Variants in SI observed in about 807,000 individuals in gnomAD.
SI encodes the protein sucrase-isomaltase.
Under a neutral mutation model 253.3 loss-of-function variants are expected in SI, and 235 were observed. The observed-to-expected ratio is 0.93, with a 90% CI of 0.83 to 1.03. SI has a LOEUF of 1.03. SI is among the 50% of genes least tolerant of loss of function. SI has a pLI of 0.00. For missense variants in SI, 2,442 were observed against 2,211.1 expected, an observed-to-expected ratio of 1.10 and a Z score of -2.09; for synonymous variants, 819 against 712.0, an observed-to-expected ratio of 1.15 and a Z score of -2.39.
In SI at chr3:165,036,415, A is replaced by G; in HGVS notation, c.2489T>C (p.Phe830Ser). The change falls in exon 22 of 48, where the codon TTT (phenylalanine) becomes TCT (serine). Residue 830 changes from phenylalanine to serine, a missense_variant. By Grantham distance (155) the Phe-to-Ser change is radical. Coordinates refer to ENST00000264382, the MANE Select transcript of SI (RefSeq NM_001041.4). Reference sequence around the variant, plus strand: ...TTTAGTTTCTCCATCATCCCAGAAAAAGTCTCCTTTGGCTGTGTTGTTTTC... The same window carrying G: ...TTTAGTTTCTCCATCATCCCAGAAAGAGTCTCCTTTGGCTGTGTTGTTTTC... The part of the protein sequence containing the change: ...LGENNTAKGD[F>S]FWDDGETKDT... 1 of 1,611,218 alleles carries G rather than the reference A, an allele frequency of 6.2e-7. No individual in the cohort carries two copies. The highest frequency in any genetic ancestry group is 8.5e-7 in the Non-Finnish European group (1 of 1,178,018).
intron 28 of SI, among the ~76,000 whole-genome samples, 172 bp downstream of exon 28, chr3:165,019,430 T>TA (rs1719196066): frequency 6.6e-6 from 1 of 152,046 alleles, no homozygotes; most frequent in South Asian, 2.1e-4. Flanking sequence ...ACCTGTAATT[T>TA]ATGGTGACTT....
In SI at chr3:165,049,677, T is replaced by C. The variant is rs866782333; in HGVS notation, c.1597+114A>G. 7.6e-6 allele frequency: 5 copies of C among 660,994 alleles called. No homozygotes were observed. The Admixed American group carries it at 7.9e-5, about 10-fold the overall frequency. The allele number at this position is 660,994 out of a possible 1,614,324, so 40.9% of individuals were successfully genotyped here. A position where few individuals can be genotyped will look rare whatever the true frequency, so the allele number is the denominator to read the frequency against. ...AGAAAAGATAAACAAATTGATTTTATGGTTTTAGAACTATACCAAAAATTG... is the reference window on the plus strand; with the variant it reads ...AGAAAAGATAAACAAATTGATTTTACGGTTTTAGAACTATACCAAAAATTG... On this transcript the variant is annotated intron_variant, in intron 14 of 47. Coordinates refer to ENST00000264382, the MANE Select transcript of SI (RefSeq NM_001041.4).
In SI at chr3:165,021,261, G is replaced by T. The variant is rs771390854; in HGVS notation, c.3222C>A (p.Ile1074=). The T allele has an allele frequency of 2.5e-6, 4 of 1,611,116 alleles. No homozygotes were observed. The highest frequency in any genetic ancestry group is 3.4e-6 in the Non-Finnish European group (4 of 1,177,996). The change falls in exon 27 of 48, where the codon ATC becomes ATA. Residue 1074 remains isoleucine (I), a synonymous_variant. Coordinates refer to ENST00000264382, the MANE Select transcript of SI (RefSeq NM_001041.4). ...TTCCACTGCTTCTCCGTCGAATCTG[G>T]ATGCCAAAAGGATTTTCCTTGATTT... is the stretch of plus-strand genomic sequence containing the variant. ...DVEIKENPFG[I]QIRRRSSGRV...
At chr3:165,035,155 G>T (rs1045271686) in intron 22 of SI, among the ~76,000 whole-genome samples, 1 of 151,964 alleles carries the variant, frequency 6.6e-6, no homozygotes, top group African/African-American at 2.4e-5. Flanking sequence ...TTATGTTTTA[G>T]ATTTTTATTA....
chr3:165,040,036 C>T, intron 18 of SI, 65 bp from the exon 19 acceptor site: 1 of 1,291,982 alleles, frequency 7.7e-7, no homozygotes, highest in Non-Finnish European at 1.1e-6. Flanking sequence ...ATTCCTGGTT[C>T]AGTTTATCTT....
chr3:165,059,955 G>A lies in SI; in HGVS notation c.1093C>T (p.Leu365=). Residue 365 remains leucine, a synonymous_variant, in exon 10 of 48, where the codon CTA becomes TTA. Coordinates refer to ENST00000264382, the MANE Select transcript of SI (RefSeq NM_001041.4). ...FQLSRWNYKS[L]DVVKEVVRRN... ...CTTACCACTTCTTTCACTACATCTA[G>A]TGACTTATAATTCCAGCGACTTAGT... 1 of 1,612,122 alleles carries A rather than the reference G, an allele frequency of 6.2e-7. No homozygotes were observed. Among genetic ancestry groups the A allele is most frequent in the Non-Finnish European group, 8.5e-7 (1 of 1,178,752 alleles).
At chr3:165,022,535 TCACACACACACACA>T (rs10686237) in intron 26 of SI, among the ~76,000 whole-genome samples, 1 of 137,844 alleles carries the variant, frequency 7.3e-6, no homozygotes, top group Non-Finnish European at 1.6e-5. Context: ...TTGTGCCATC[TCACACACACACACA>T]CACACACACA....
intron 32 of SI, among the ~76,000 whole-genome samples, chr3:165,015,470 G>GT (rs983520271): frequency 6.6e-6 from 1 of 151,966 alleles, no homozygotes; most frequent in African/African-American, 2.4e-5. Flanking sequence ...ATTAGTAGAG[G>GT]TTTTTATTTT....
chr3:165,040,420 A>G (rs951501864), intron 18 of SI, among the ~76,000 whole-genome samples: 2 of 152,086 alleles, frequency 1.3e-5, no homozygotes, highest in Non-Finnish European at 2.9e-5. Flanking sequence ...ATTTTCTCCT[A>G]TAAGATAGGT....
chr3:165,040,115 G>A lies in SI; in HGVS notation c.2160-144C>T, dbSNP rs528994112. 783 of 705,826 alleles carry A rather than the reference G, an allele frequency of 1.1e-3. 3 individuals are homozygous for A. Among genetic ancestry groups the A allele is most frequent in the South Asian group, 3.1e-3 (202 of 64,476 alleles). The allele number at this position is 705,826 out of a possible 1,614,324, so 43.7% of individuals were successfully genotyped here. A position where few individuals can be genotyped will look rare whatever the true frequency, so the allele number is the denominator to read the frequency against. ...GTTTCAGATGACATTTTCAATTCAT[G>A]GTTCTTACATCCTTTATTGTTCATC... is the stretch of plus-strand genomic sequence containing the variant. On this transcript the variant is annotated intron_variant, in intron 18 of 47. Transcript: ENST00000264382.
rs1219827859 is a variant in SI, at chr3:165,040,968, C to G, written c.2131G>C (p.Glu711Gln). ...TLFYKAHVFG[E>Q]TVARPVLHEF... ...TGAAGAACTGGTCTTGCTACTGTTTCTCCAAACACATGGGCTTTATAAAAC... is the reference window on the plus strand; with the variant it reads ...TGAAGAACTGGTCTTGCTACTGTTTGTCCAAACACATGGGCTTTATAAAAC... The change falls in exon 18 of 48, where the codon GAA (glutamate) becomes CAA (glutamine). Residue 711 changes from glutamate to glutamine, a missense_variant. Glu to Gln is a conservative substitution (Grantham distance 29). Transcript: ENST00000264382. The G allele has an allele frequency of 6.2e-7, 1 of 1,611,598 alleles. No homozygotes were observed. Among genetic ancestry groups the G allele is most frequent in the East Asian group, 2.2e-5 (1 of 44,706 alleles).
At chr3:165,021,587 A>G (rs1272064653) in intron 26 of SI, among the ~76,000 whole-genome samples, 1 of 151,602 alleles carries the variant, frequency 6.6e-6, no homozygotes, top group Non-Finnish European at 1.5e-5. Flanking sequence ...TGAATACTGC[A>G]TTTTTGAACC....
chr3:165,067,053 C>G (rs937944796), intron 6 of SI, among the ~76,000 whole-genome samples: 6 of 152,018 alleles, frequency 3.9e-5, no homozygotes, highest in Non-Finnish European at 7.4e-5. Flanking sequence ...GGGGGAAAGA[C>G]ACAAGAGCTA....
rs746039888 is a variant in SI, at chr3:165,067,335, C to T, written c.635+5G>A. ...ACTTATATAATTGTAAAATAATACA[C>T]TTACAAAGTTTTACCGTTGCTTTTC... On this transcript the variant is annotated splice_donor_5th_base_variant and intron_variant, in intron 6 of 47. Transcript: ENST00000264382. The T allele has an allele frequency of 1.3e-6, 2 of 1,595,644 alleles. No homozygotes were observed. The highest frequency in any genetic ancestry group is 1.7e-5 in the Admixed American group (1 of 59,856).
rs1313037705 is a variant in SI, at chr3:165,018,745, T to C, written c.3424-679A>G. On this transcript the variant is annotated intron_variant, in intron 28 of 47. Transcript: ENST00000264382. ...AATTTTAGATATCAAGAATCAAAAG[T>C]ATATTAGTCTAATAATATCGGTACA... Among the ~76,000 whole-genome samples the C allele has an allele frequency of 4.0e-5, 6 of 151,626 alleles. No homozygotes were observed. In the East Asian group the frequency reaches 1.2e-3, roughly 29 times the overall value.
rs1553768931 is a variant in SI, at chr3:164,989,426, AAG to A, written c.5108+1925_5108+1926del. On this transcript the variant is annotated intron_variant, in intron 44 of 47. Coordinates refer to ENST00000264382, the MANE Select transcript of SI (RefSeq NM_001041.4). ...AAAGAAAGAAAGAAAGAAAGAAAGAAAGAAAGAAAGGAAAGAAAGAAGAGAGG... is the reference window on the plus strand; with the variant it reads ...AAAGAAAGAAAGAAAGAAAGAAAGAAAAAGAAAGGAAAGAAAGAAGAGAGG... 2.0e-5 allele frequency among the ~76,000 whole-genome samples: 3 copies of A among 148,834 alleles called. No individual in the cohort carries two copies. The East Asian group carries it at 5.9e-4, about 29-fold the overall frequency.
intron 10 of SI, among the ~76,000 whole-genome samples, chr3:165,059,615 T>C (rs1051342680): frequency 6.6e-6 from 1 of 151,968 alleles, no homozygotes; most frequent in African/African-American, 2.4e-5. Flanking sequence ...AATATGTAGA[T>C]TCTAAAATTA....
Position 165,055,193 on chromosome 3 carries a change from CA to C in SI, c.1512del (p.Ile504MetfsTer3). ...ACCATTGGTTTAAAATAGCTACTTACAATCCAAAGTCCATCATATTGCACTT... is the reference window on the plus strand; with the variant it reads ...ACCATTGGTTTAAAATAGCTACTTACATCCAAAGTCCATCATATTGCACTT... ...HQEVQYDGLW[I>X]DMNEVSSFIQ... On this transcript the variant is annotated frameshift_variant and splice_region_variant, in exon 13 of 48. Coordinates refer to ENST00000264382, the MANE Select transcript of SI (RefSeq NM_001041.4). LOFTEE classifies it high-confidence loss of function. The C allele has an allele frequency of 6.4e-7, 1 of 1,567,926 alleles. No individual in the cohort carries two copies.
At position 164,987,135 on chromosome 3, in the gene SI, C is replaced by A; in HGVS notation, c.5197+3G>T. On this transcript the variant is annotated splice_donor_region_variant and intron_variant, in intron 45 of 47. Transcript: ENST00000264382. ...AAATTTATCTACTAAATCGAGCACT[C>A]ACCTATACTCTCTCCATCATCCCAA... The A allele has an allele frequency of 6.2e-7, 1 of 1,606,932 alleles. No homozygotes were observed. The highest frequency in any genetic ancestry group is 8.5e-7 in the Non-Finnish European group (1 of 1,173,784).
Sources: allele counts gnomAD v4.1 joint callset (sites outside exome capture counted in the v4.1 genomes callset), GRCh38; gene constraint gnomAD v4.1.1; transcripts MANE v1.5; gene names NCBI Gene and HGNC (gene_info 2026-07-23, HGNC 2026-07-21).